AFF4: variants seen among roughly 807,000 people sequenced by gnomAD.
The protein encoded by AFF4 is ALF transcription elongation factor 4.
In AFF4, 13 loss-of-function variants were observed where a neutral mutation model predicts 124.8. The ratio of observed to expected loss-of-function variants is 0.10; its 90% CI spans 0.07 to 0.17. The LOEUF (loss-of-function observed/expected upper bound fraction) is 0.17. Among genes scored for constraint, AFF4 ranks in the 10% least tolerant of loss-of-function variants. The pLI is 1.00. For synonymous variants in AFF4, 477 were observed against 496.1 expected (o/e 0.96, Z 0.51); for missense variants, 1,092 against 1,403.8 (o/e 0.78, Z 3.55).
chr5:132,918,453 G>C lies in AFF4; in HGVS notation c.1050+8668C>G, dbSNP rs191014845. Among the ~76,000 whole-genome samples the C allele has an allele frequency of 2.6e-5, 4 of 152,278 alleles. No individual in the cohort carries two copies. In the East Asian group the frequency reaches 7.8e-4, roughly 30 times the overall value. On this transcript the variant is annotated intron_variant, in intron 5 of 20. Coordinates refer to ENST00000265343, the MANE Select transcript of AFF4 (RefSeq NM_014423.4). ...GAGGCAGGTGGATCAGTTGAGGTCA[G>C]GAGTTAGAGACCACCCTCGTCAACA...
chr5:132,953,535 G>C (rs1292180000), intron 1 of AFF4, among the ~76,000 whole-genome samples: 1 of 151,942 alleles, frequency 6.6e-6, no homozygotes, highest in Non-Finnish European at 1.5e-5. Context: ...CAAGAACTTT[G>C]TAATGAGTCA....
chr5:132,944,811 T>C (rs1246355822), intron 1 of AFF4, among the ~76,000 whole-genome samples: 1 of 151,142 alleles, frequency 6.6e-6, no homozygotes, highest in Admixed American at 6.6e-5. Context: ...GCGCCTGTAA[T>C]CCCAGCTACT....
chr5:132,880,713 C>G lies in AFF4; in HGVS notation c.*346G>C, dbSNP rs1759952916. ...AATTTATAGGCAGAAATAACTAAGT[C>G]TTAAACTAGCCCCAATCTGGGAACT... On this transcript the variant is annotated 3_prime_UTR_variant, in exon 21 of 21. Coordinates refer to ENST00000265343, the MANE Select transcript of AFF4 (RefSeq NM_014423.4). The G allele has an allele frequency of 3.4e-6, 1 of 291,250 alleles. No homozygotes were observed. The highest frequency in any genetic ancestry group is 6.3e-6 in the Non-Finnish European group (1 of 158,832). 18.0% of individuals were successfully genotyped at this position (291,250 alleles called of 1,614,324 possible).
At chr5:132,892,537 T>C in intron 12 of AFF4, 133 bp from the exon 13 acceptor site, 1 of 1,289,556 alleles carries the variant, frequency 7.8e-7, no homozygotes, top group Non-Finnish European at 1.1e-6. Context: ...ATGATTTCTA[T>C]AAAACAAAAT....
chr5:132,930,518 CA>C (rs942785126), intron 4 of AFF4, among the ~76,000 whole-genome samples: 4 of 151,702 alleles, frequency 2.6e-5, no homozygotes, highest in African/African-American at 9.7e-5. Context: ...AGCAAAATGG[CA>C]GAGGTAAAAG....
intron 11 of AFF4, among the ~76,000 whole-genome samples, chr5:132,896,036 A>G (rs1345437244): frequency 6.6e-6 from 1 of 152,220 alleles, no homozygotes; most frequent in Non-Finnish European, 1.5e-5. Context: ...GCAAATGCCA[A>G]TTTGCAAGCT....
At chr5:132,888,009 A>C (rs146197061) in intron 15 of AFF4, 27 bp from the exon 16 acceptor site, 1 of 1,612,094 alleles carries the variant, frequency 6.2e-7, no homozygotes, top group African/African-American at 1.3e-5. Flanking sequence ...GCAAGTAATG[A>C]GTAATGATCT....
At chr5:132,949,926 G>C (rs67160603) in intron 1 of AFF4, among the ~76,000 whole-genome samples, 17,473 of 151,974 alleles carry the variant, frequency 0.11, 1,274 homozygotes, top group South Asian at 0.19. Context: ...TGGAGACTGA[G>C]GCAGAAGGAT....
chr5:132,918,774 G>C (rs1760974518), intron 5 of AFF4, among the ~76,000 whole-genome samples: 1 of 152,036 alleles, frequency 6.6e-6, no homozygotes, highest in Non-Finnish European at 1.5e-5. Flanking sequence ...TGGGTCAGAA[G>C]ATTCAATATT....
chr5:132,960,995 G>A (rs1388053068), intron 1 of AFF4, among the ~76,000 whole-genome samples: 2 of 152,078 alleles, frequency 1.3e-5, no homozygotes, highest in African/African-American at 4.8e-5. Flanking sequence ...AGGCCGAGGC[G>A]TGTGGATCAC....
At chr5:132,901,295 T>C (rs1760545673) in intron 7 of AFF4, among the ~76,000 whole-genome samples, 1 of 152,214 alleles carries the variant, frequency 6.6e-6, no homozygotes, top group Admixed American at 6.5e-5. Flanking sequence ...GGTATATATA[T>C]GGTAAGACCA....
rs746788071 is a variant in AFF4, at chr5:132,927,182, G to A, written c.989C>T (p.Pro330Leu). ...LKEMTHSWPP[P>L]LTAIHTPCKT... is the part of the protein sequence containing the mutation. ...GCATGGTGTATGAATAGCCGTTAGAGGGGGAGGCCATGAATGCGTCATCTC... is the reference window on the plus strand; with the variant it reads ...GCATGGTGTATGAATAGCCGTTAGAAGGGGAGGCCATGAATGCGTCATCTC... The change falls in exon 5 of 21, where the codon CCT becomes CTT. Residue 330 changes from proline (P) to leucine (L), a missense_variant. Physicochemically the swap from Pro to Leu is moderately conservative, Grantham distance 98. Around this residue, in one of 11 missense-constraint regions of AFF4, gnomAD observed 148 missense variants for 196.3 expected, o/e 0.75. Transcript: ENST00000265343. 3 of 1,610,928 alleles carry A rather than the reference G, an allele frequency of 1.9e-6. No homozygotes were observed. The highest frequency in any genetic ancestry group is 2.5e-6 in the Non-Finnish European group (3 of 1,179,008).
At chr5:132,960,760 T>C (rs953584636) in intron 1 of AFF4, among the ~76,000 whole-genome samples, 3 of 152,126 alleles carry the variant, frequency 2.0e-5, no homozygotes, top group African/African-American at 7.2e-5. Flanking sequence ...ATCTAGTAAT[T>C]GTGTAAAATA....
intron 2 of AFF4, among the ~76,000 whole-genome samples, chr5:132,936,191 C>T (rs1170027614): frequency 7.7e-6 from 1 of 130,386 alleles, no homozygotes; most frequent in African/African-American, 2.9e-5. Context: ...GGCGTGAACC[C>T]GGGAGGCGGA....
chr5:132,914,890 TTCC>T (rs1760872474), intron 5 of AFF4, among the ~76,000 whole-genome samples: 5 of 152,136 alleles, frequency 3.3e-5, no homozygotes, highest in Admixed American at 3.3e-4. Context: ...AATGGACAAA[TTCC>T]TTGAAAGATA....
chr5:132,902,898 C>T (rs1030498259), intron 6 of AFF4, among the ~76,000 whole-genome samples: 2 of 152,040 alleles, frequency 1.3e-5, no homozygotes, highest in Admixed American at 6.5e-5. Context: ...AAATGTCCAT[C>T]GATAGGGGAC....
At chr5:132,889,026 T>G in intron 14 of AFF4, 53 bp downstream of exon 14, 1 of 1,524,850 alleles carries the variant, frequency 6.6e-7, no homozygotes, top group Non-Finnish European at 9.1e-7. Flanking sequence ...GTTTCTTATA[T>G]GCTGACTGGA....
At chr5:132,928,131 G>A (rs956737389) in intron 4 of AFF4, among the ~76,000 whole-genome samples, 1 of 151,898 alleles carries the variant, frequency 6.6e-6, no homozygotes, top group Non-Finnish European at 1.5e-5. Flanking sequence ...CGTATAAGGG[G>A]CTCACACTTC....
chr5:132,956,282 A>C (rs1761956444), intron 1 of AFF4, among the ~76,000 whole-genome samples: 1 of 152,120 alleles, frequency 6.6e-6, no homozygotes, highest in African/African-American at 2.4e-5. Context: ...ATAAACAAAA[A>C]ACAAACGGGT....
Sources: allele counts gnomAD v4.1 joint callset (sites outside exome capture counted in the v4.1 genomes callset), GRCh38; gene constraint gnomAD v4.1.1; regional missense constraint gnomAD v4.1.1; transcripts MANE v1.5; gene names NCBI Gene and HGNC (gene_info 2026-07-23, HGNC 2026-07-21).